Variants in UNC13A observed in about 807,000 individuals in gnomAD.
UNC13A encodes unc-13 homolog A.
In UNC13A, 61 loss-of-function variants were observed where a neutral mutation model predicts 219.7. The ratio of observed to expected loss-of-function variants is 0.28; its 90% CI spans 0.23 to 0.34. The LOEUF (loss-of-function observed/expected upper bound fraction) is 0.34. Among genes scored for constraint, UNC13A ranks in the 10% least tolerant of loss-of-function variants. The pLI is 1.00. For synonymous variants in UNC13A, 920 were observed against 884.6 expected, an observed-to-expected ratio of 1.04 and a Z score of -0.71; for missense variants, 1,476 against 2,270.3, an observed-to-expected ratio of 0.65 and a Z score of 7.11.
chr19:17,658,189 A>T lies in UNC13A; in HGVS notation c.640T>A (p.Tyr214Asn), dbSNP rs1374485780. ...GAGGCGTTGGGTTGTGACGTAGTAT[A>T]ATAGGGCGGCGGGATGCTGTTGCTC... is the stretch of plus-strand genomic sequence containing the variant. The part of the protein sequence containing the change: ...ETSNSIPPPY[Y>N]TTSQPNASVH... Residue 214 changes from tyrosine to asparagine, a missense_variant, in exon 9 of 44, where the codon TAT becomes AAT. Tyr to Asn is a moderately radical substitution (Grantham distance 143, BLOSUM62 -2). Around this residue, in one of 14 missense-constraint regions of UNC13A, gnomAD observed 203 missense variants for 301.6 expected, o/e 0.67. Transcript: ENST00000519716. 3 of 1,613,820 alleles carry T rather than the reference A, an allele frequency of 1.9e-6. No homozygotes were observed. Among genetic ancestry groups the T allele is most frequent in the African/African-American group, 1.3e-5 (1 of 74,888 alleles).
intron 19 of UNC13A, 44 bp from the exon 20 acceptor site, chr19:17,643,004 A>C: frequency 6.6e-7 from 1 of 1,504,782 alleles, no homozygotes; most frequent in Non-Finnish European, 9.0e-7. Context: ...TTCCCACTAT[A>C]GCAGTGGGCA....
intron 1 of UNC13A, 83 bp from the exon 2 acceptor site, chr19:17,676,124 C>T: frequency 7.2e-7 from 1 of 1,395,344 alleles, no homozygotes; most frequent in Non-Finnish European, 1.0e-6. Context: ...GATTCAGAGA[C>T]ACACCAAGAT....
intron 8 of UNC13A, among the ~76,000 whole-genome samples, chr19:17,661,296 C>G (rs1383786073): frequency 1.3e-5 from 2 of 152,054 alleles, no homozygotes; most frequent in African/African-American, 4.8e-5. Context: ...AAGTGTTTGT[C>G]AACAGTTTCA....
intron 28 of UNC13A, among the ~76,000 whole-genome samples, chr19:17,632,129 T>G (rs1333566537): frequency 2.6e-5 from 4 of 152,332 alleles, no homozygotes; most frequent in Non-Finnish European, 4.4e-5. Context: ...CAGGCCGGTC[T>G]CAAACTCCTG....
intron 41 of UNC13A, chr19:17,613,598 C>G (rs913959424): frequency 2.0e-5 from 3 of 152,214 alleles, no homozygotes; most frequent in African/African-American, 4.8e-5. Context: ...CACCTCATTG[C>G]ATCACCTGGC....
At chr19:17,628,158 C>T in intron 31 of UNC13A, 1 of 531,430 alleles carries the variant, frequency 1.9e-6, no homozygotes, top group East Asian at 3.2e-5. Flanking sequence ...GCAAGGAGGA[C>T]TCAAGTAATC....
intron 3 of UNC13A, among the ~76,000 whole-genome samples, chr19:17,672,970 C>A (rs1028722404): frequency 6.6e-6 from 1 of 152,150 alleles, no homozygotes; most frequent in African/African-American, 2.4e-5. Context: ...AGGCCTCGCC[C>A]TAGACATATG....
chr19:17,603,862 A>C lies in UNC13A; in HGVS notation c.*2192T>G, dbSNP rs1305293258. On this transcript the variant is annotated 3_prime_UTR_variant, in exon 44 of 44. Coordinates refer to ENST00000519716, the MANE Select transcript of UNC13A (RefSeq NM_001080421.3). ...AGTATTGTTCTGTTGCCCAGGCTGGAGTGCAGTTGTGTGATCACGACTCAC... is the reference window on the plus strand; with the variant it reads ...AGTATTGTTCTGTTGCCCAGGCTGGCGTGCAGTTGTGTGATCACGACTCAC... 6.7e-6 allele frequency: 1 copy of C among 149,934 alleles called. No homozygotes were observed. Among genetic ancestry groups the C allele is most frequent in the Non-Finnish European group, 1.5e-5 (1 of 67,786 alleles). 9.3% of individuals were successfully genotyped at this position (149,934 alleles called of 1,614,324 possible).
intron 8 of UNC13A, among the ~76,000 whole-genome samples, chr19:17,661,378 G>A (rs939669537): frequency 3.9e-5 from 6 of 152,090 alleles, no homozygotes; most frequent in Admixed American, 2.6e-4. Flanking sequence ...GAAGGAGAGA[G>A]AAGGAGGCAG....
At position 17,674,756 on chromosome 19, in the gene UNC13A, T is replaced by C. The variant is rs774843760; in HGVS notation, c.53A>G (p.Glu18Gly). 1 of 1,613,758 alleles carries C rather than the reference T, an allele frequency of 6.2e-7. No homozygotes were observed. Among genetic ancestry groups the C allele is most frequent in the Non-Finnish European group, 8.5e-7 (1 of 1,179,786 alleles). ...VKKAKFDGAQEKFNTYVTLKV... is the reference protein window; with the variant it reads ...VKKAKFDGAQGKFNTYVTLKV... ...CAGGGTCACGTACGTGTTGAATTTC[T>C]CTGTGGCAGTGAGAGTAGGGGTCAG... Residue 18 changes from glutamate to glycine, a missense_variant and splice_region_variant, in exon 3 of 44, where the codon GAG (glutamate) becomes GGG (glycine). Glu to Gly is a moderately conservative substitution (Grantham distance 98). This residue lies in a region of UNC13A where 203 missense variants were observed against 301.6 expected (regional missense o/e 0.67). Transcript: ENST00000519716. This position sits in a 1 kb window ranked among gnomAD's most constrained non-coding sequence, Gnocchi z 5.0.
chr19:17,670,471 A>T (rs1359102926), intron 4 of UNC13A, among the ~76,000 whole-genome samples: 1 of 149,566 alleles, frequency 6.7e-6, no homozygotes, highest in Admixed American at 6.7e-5. Flanking sequence ...TGCTGAGCTC[A>T]GGCAATCCAC....
rs1305239050 is a variant in UNC13A at position 17,642,811 on chromosome 19, A to G, written c.2472+34T>C. Reference sequence around the variant, plus strand: ...TGGGCAGGCAGGAATGGTGAGTGGAAGTGGCATGGGAGGGGCCGAGCAATG... The same window carrying G: ...TGGGCAGGCAGGAATGGTGAGTGGAGGTGGCATGGGAGGGGCCGAGCAATG... On this transcript the variant is annotated intron_variant, in intron 20 of 43. Coordinates refer to ENST00000519716, the MANE Select transcript of UNC13A (RefSeq NM_001080421.3). 7.1e-6 allele frequency: 11 copies of G among 1,545,958 alleles called. No individual in the cohort carries two copies. In the South Asian group the frequency reaches 1.2e-4, roughly 16 times the overall value.
chr19:17,670,724 C>A (rs1226245662), intron 4 of UNC13A, among the ~76,000 whole-genome samples: 1 of 151,702 alleles, frequency 6.6e-6, no homozygotes, highest in Non-Finnish European at 1.5e-5. Context: ...GCCAACATGG[C>A]GAAACCCCAT....
intron 1 of UNC13A, among the ~76,000 whole-genome samples, chr19:17,687,807 TTCAA>T (rs1188529738): frequency 6.6e-6 from 1 of 151,788 alleles, no homozygotes; most frequent in Non-Finnish European, 1.5e-5. Flanking sequence ...CCCTGCAGGC[TTCAA>T]TCAAACTACC....
Position 17,655,350 on chromosome 19 carries a change from T to G in UNC13A, c.1316A>C (p.Glu439Ala). 6.3e-7 allele frequency: 1 copy of G among 1,589,568 alleles called. No homozygotes were observed. The highest frequency in any genetic ancestry group is 8.6e-7 in the Non-Finnish European group (1 of 1,168,418). The change falls in exon 11 of 44, where the codon GAG becomes GCG. Residue 439 changes from glutamate to alanine, a missense_variant. Glu to Ala is a moderately radical substitution (Grantham distance 107). Transcript: ENST00000519716. The part of the protein sequence containing the change: ...FRPREDEEGQ[E>A]GQDSMSRAKA... ...GGCCCTGGACATGGAGTCCTGCCCC[T>G]CCTGGCCTTCCTCATCCTCTCTCGG...
rs201156080 is a variant in UNC13A at position 17,640,528 on chromosome 19, C to A, written c.2770G>T (p.Ala924Ser). ...STNVSASDRFAASNFGKERFV... is the reference protein window; with the variant it reads ...STNVSASDRFSASNFGKERFV... The stretch of plus-strand genomic sequence containing the variant: ...GGACTGACCCCAAAGTTGGAGGCGG[C>A]GAAGCGGTCGGAGGCAGACACGTTG... The change falls in exon 22 of 44, where the codon GCC becomes TCC. Residue 924 changes from alanine (A) to serine (S), a missense_variant. Ala to Ser is a moderately conservative substitution (Grantham distance 99). Around this residue, in one of 14 missense-constraint regions of UNC13A, gnomAD observed 140 missense variants for 270.9 expected, o/e 0.52. Coordinates refer to ENST00000519716, the MANE Select transcript of UNC13A (RefSeq NM_001080421.3). 18 of 1,550,020 alleles carry A rather than the reference C, an allele frequency of 1.2e-5. No homozygotes were observed. The African/African-American group carries it at 2.5e-4, about 21-fold the overall frequency.
chr19:17,659,656 C>A (rs958896590), intron 8 of UNC13A, among the ~76,000 whole-genome samples: 3 of 151,932 alleles, frequency 2.0e-5, no homozygotes, highest in African/African-American at 7.3e-5. Context: ...GTAGTCCCAG[C>A]TATTCGGGAG....
At chr19:17,624,128 TTTTTTTG>T (rs1266391850) in intron 35 of UNC13A, among the ~76,000 whole-genome samples, 3 of 151,144 alleles carry the variant, frequency 2.0e-5, no homozygotes, top group African/African-American at 7.3e-5. Context: ...TTCTCTTTTT[TTTTTTTG>T]TTTTTTTGAG....
intron 43 of UNC13A, 101 bp from the exon 44 acceptor site, chr19:17,606,455 G>A: frequency 6.9e-7 from 1 of 1,442,574 alleles, no homozygotes; most frequent in South Asian, 1.3e-5. Context: ...CCACACCGGG[G>A]TGCCCACACC....
Sources: allele counts gnomAD v4.1 joint callset (sites outside exome capture counted in the v4.1 genomes callset), GRCh38; gene constraint gnomAD v4.1.1; regional missense constraint gnomAD v4.1.1; non-coding constraint Gnocchi (gnomAD v3.1); transcripts MANE v1.5; gene names NCBI Gene and HGNC (gene_info 2026-07-23, HGNC 2026-07-21).